ATP8A2: variants seen among roughly 807,000 people sequenced by gnomAD.
ATP8A2 encodes the protein ATPase phospholipid transporting 8A2.
A neutral mutation model predicts 165.6 loss-of-function variants in ATP8A2; 100 were observed. That is an observed-to-expected ratio of 0.60 (90% CI 0.51 to 0.71). The LOEUF (loss-of-function observed/expected upper bound fraction) is 0.71, where lower values mean the gene tolerates loss of function less well. Ranked by LOEUF, ATP8A2 falls within the 30% of genes least tolerant of loss-of-function variation. ATP8A2 has a pLI of 0.00. For synonymous variants in ATP8A2, 543 were observed against 548.8 expected (o/e 0.99, Z 0.15); for missense variants, 1,227 against 1,479.5 (o/e 0.83, Z 2.80).
intron 33 of ATP8A2, among the ~76,000 whole-genome samples, chr13:25,902,931 C>T (rs556958553): frequency 1.9e-5 from 2 of 104,588 alleles, no homozygotes; most frequent in African/African-American, 8.0e-5. Flanking sequence ...TTTATACATC[C>T]TCAGCATGCA....
In ATP8A2 at chr13:25,604,600, G is replaced by T. The variant is rs192193680; in HGVS notation, c.2211+14901G>T. 3.2e-4 allele frequency among the ~76,000 whole-genome samples: 49 copies of T among 152,250 alleles called. No individual in the cohort carries two copies. In the East Asian group the frequency reaches 9.3e-3, roughly 29 times the overall value. ...TATTCTTTCTTTTAACATTTCCTCT[G>T]TTTAATTGAAAGTGGTAGATATTTG... On this transcript the variant is annotated intron_variant, in intron 24 of 36. Coordinates refer to ENST00000381655, the MANE Select transcript of ATP8A2 (RefSeq NM_016529.6).
At chr13:25,446,381 G>T (rs1359525897) in intron 1 of ATP8A2, among the ~76,000 whole-genome samples, 1 of 152,120 alleles carries the variant, frequency 6.6e-6, no homozygotes, top group Non-Finnish European at 1.5e-5. Context: ...TCATGTATCT[G>T]CTCTTCAGAC....
chr13:25,651,233 A>G (rs930564283), intron 24 of ATP8A2, among the ~76,000 whole-genome samples: 15 of 152,176 alleles, frequency 9.9e-5, no homozygotes, highest in Admixed American at 2.0e-4. Context: ...TCATGAGGTC[A>G]AGAGATCGAG....
chr13:25,836,946 T>C (rs9511934), intron 28 of ATP8A2, among the ~76,000 whole-genome samples: 67,618 of 151,980 alleles, frequency 0.44, 15,335 homozygotes, highest in African/African-American at 0.52. Flanking sequence ...AGATAATGTA[T>C]GATGTTTTTA....
chr13:25,913,245 A>G (rs1167075972), intron 33 of ATP8A2, among the ~76,000 whole-genome samples: 3 of 152,178 alleles, frequency 2.0e-5, no homozygotes, highest in Admixed American at 1.3e-4. Context: ...CTGTTTCAGG[A>G]TGCTGCGTTG....
chr13:25,989,021 G>C (rs1047428999), intron 35 of ATP8A2, among the ~76,000 whole-genome samples: 1 of 152,232 alleles, frequency 6.6e-6, no homozygotes, highest in Admixed American at 6.5e-5. Flanking sequence ...ACTCTGGCAG[G>C]ACATGGAGGT....
intron 33 of ATP8A2, among the ~76,000 whole-genome samples, chr13:25,881,657 A>G (rs1379494082): frequency 6.6e-6 from 1 of 152,090 alleles, no homozygotes; most frequent in Admixed American, 6.5e-5. Context: ...TTACAGCTTG[A>G]TAAGAAAGCC....
chr13:25,856,431 A>G (rs990008036), intron 30 of ATP8A2, among the ~76,000 whole-genome samples: 1 of 152,194 alleles, frequency 6.6e-6, no homozygotes, highest in East Asian at 1.9e-4. Context: ...GAAATTCTTT[A>G]ATAGATACAA....
At chr13:25,465,684 TTTCTTTCTTTCTTTC>T (rs2035622188) in intron 1 of ATP8A2, among the ~76,000 whole-genome samples, 9 of 13,156 alleles carry the variant, frequency 6.8e-4, no homozygotes, top group African/African-American at 1.5e-3. Context: ...TCTTTCTTTC[TTTCTTTCTTTCTTTC>T]TTTCTTTCTT....
intron 2 of ATP8A2, among the ~76,000 whole-genome samples, chr13:25,501,534 C>A (rs2036852692): frequency 6.6e-6 from 1 of 152,200 alleles, no homozygotes; most frequent in African/African-American, 2.4e-5. Flanking sequence ...TATTCCCTGG[C>A]AAGTTGTTTG....
chr13:25,974,664 G>T (rs1053292353), intron 35 of ATP8A2, among the ~76,000 whole-genome samples: 1 of 152,066 alleles, frequency 6.6e-6, no homozygotes, highest in East Asian at 1.9e-4. Context: ...CGTCTATGCC[G>T]GTCCTTGCCA....
chr13:25,670,797 G>A (rs1434455520), intron 24 of ATP8A2, among the ~76,000 whole-genome samples: 1 of 152,134 alleles, frequency 6.6e-6, no homozygotes, highest in Non-Finnish European at 1.5e-5. Context: ...TAGTCTAAAG[G>A]CTTTACCTAG....
At chr13:25,756,313 G>T (rs938133519) in intron 25 of ATP8A2, among the ~76,000 whole-genome samples, 14 of 146,734 alleles carry the variant, frequency 9.5e-5, no homozygotes, top group Admixed American at 7.7e-4. Context: ...GGAGGATTAG[G>T]TAACTGTTGG....
chr13:25,594,984 G>GTGTGTA (rs150738527), intron 24 of ATP8A2, among the ~76,000 whole-genome samples: 66 of 142,818 alleles, frequency 4.6e-4, no homozygotes, highest in African/African-American at 7.0e-4. Context: ...GTGTGTGTGT[G>GTGTGTA]TATATATATA....
At chr13:25,858,739 C>T (rs1952243187) in intron 30 of ATP8A2, among the ~76,000 whole-genome samples, 1 of 152,114 alleles carries the variant, frequency 6.6e-6, no homozygotes, top group Non-Finnish European at 1.5e-5. Flanking sequence ...CCTTATCTAC[C>T]CAGCCTGCGG....
At chr13:25,679,366 G>A (rs1229438400) in intron 24 of ATP8A2, among the ~76,000 whole-genome samples, 1 of 152,184 alleles carries the variant, frequency 6.6e-6, no homozygotes, top group African/African-American at 2.4e-5. Flanking sequence ...AGCAGTGTTT[G>A]AGGTTTTGCA....
intron 35 of ATP8A2, among the ~76,000 whole-genome samples, chr13:26,005,737 C>A (rs1313631535): frequency 6.6e-6 from 1 of 151,912 alleles, no homozygotes; most frequent in East Asian, 1.9e-4. Flanking sequence ...ATGTAGAAAT[C>A]TAGTTGTCCC....
At chr13:25,618,182 G>A (rs976868915) in intron 24 of ATP8A2, among the ~76,000 whole-genome samples, 14 of 152,046 alleles carry the variant, frequency 9.2e-5, no homozygotes, top group East Asian at 5.8e-4. Flanking sequence ...GTTCTACAGC[G>A]GTCTTCAGTA....
chr13:25,951,028 A>C (rs1290160460), intron 33 of ATP8A2, among the ~76,000 whole-genome samples: 1 of 152,202 alleles, frequency 6.6e-6, no homozygotes, highest in Non-Finnish European at 1.5e-5. Flanking sequence ...ATGCGCCTGC[A>C]CTTGCTTTAT....
Sources: gnomAD v4.1 joint callset for allele counts (sites outside exome capture counted in the v4.1 genomes callset) on GRCh38, gnomAD v4.1.1 for gene constraint, MANE v1.5 for transcripts, NCBI Gene and HGNC (gene_info 2026-07-23, HGNC 2026-07-21) for gene names.